FADS6: variants seen among roughly 807,000 people sequenced by gnomAD.
FADS6 encodes fatty acid desaturase 6.
Under a neutral mutation model 31.7 loss-of-function variants are expected in FADS6, and 28 were observed. The observed-to-expected ratio is 0.88, with a 90% CI of 0.66 to 1.21. The LOEUF is 1.21. FADS6 is among the 50% of genes most tolerant of loss of function. The pLI, the probability that FADS6 is intolerant of heterozygous loss-of-function variation, is 0.00. For synonymous variants in FADS6, 191 were observed against 213.1 expected, an observed-to-expected ratio of 0.90 and a Z score of 0.90; for missense variants, 494 against 504.2, an observed-to-expected ratio of 0.98 and a Z score of 0.19.
chr17:74,879,382 C>CCCCAG (rs1404049930), intron 5 of FADS6, 22 bp downstream of exon 5: 1 of 1,610,438 alleles, frequency 6.2e-7, no homozygotes, highest in East Asian at 2.2e-5. Context: ...ATTCCAGCGC[C>CCCCAG]CCCAGCCCAG....
chr17:74,882,037 G>A (rs192809436), intron 3 of FADS6, among the ~76,000 whole-genome samples: 2 of 151,840 alleles, frequency 1.3e-5, no homozygotes, highest in African/African-American at 4.8e-5. Context: ...CTGGGTTCAA[G>A]TGATTCTCCT....
In FADS6 at chr17:74,878,063, C is replaced by T; in HGVS notation, c.*268G>A. The T allele has an allele frequency of 7.8e-7, 1 of 1,273,922 alleles. No homozygotes were observed. Among genetic ancestry groups the T allele is most frequent in the Non-Finnish European group, 9.9e-7 (1 of 1,006,252 alleles). The allele number at this position is 1,273,922 out of a possible 1,614,324, so 78.9% of individuals were successfully genotyped here. ...AGGGGGAAGGACCCAGCTCTTTAGT[C>T]CTGAGATGAAGTTGCTGAGGTCCAG... On this transcript the variant is annotated 3_prime_UTR_variant, in exon 6 of 6. Coordinates refer to ENST00000612771, the MANE Select transcript of FADS6 (RefSeq NM_178128.6).
At chr17:74,891,481 C>A (rs1042823398) in intron 2 of FADS6, among the ~76,000 whole-genome samples, 3 of 152,110 alleles carry the variant, frequency 2.0e-5, no homozygotes, top group Non-Finnish European at 4.4e-5. Flanking sequence ...CTGACCCAGA[C>A]TCCAGAGCCT....
intron 2 of FADS6, among the ~76,000 whole-genome samples, chr17:74,885,214 A>C (rs375492786): frequency 4.6e-5 from 7 of 152,062 alleles, no homozygotes; most frequent in East Asian, 3.9e-4. Flanking sequence ...GCCTGTAGAC[A>C]AGTCTCTCTC....
chr17:74,877,850 T>C lies in FADS6; in HGVS notation c.*481A>G, dbSNP rs2048874370. 1.2e-5 allele frequency: 12 copies of C among 986,942 alleles called. No individual in the cohort carries two copies. In the South Asian group the frequency reaches 4.2e-4, roughly 35 times the overall value. The allele number at this position is 986,942 out of a possible 1,614,324, so 61.1% of individuals were successfully genotyped here. On this transcript the variant is annotated 3_prime_UTR_variant, in exon 6 of 6. Coordinates refer to ENST00000612771, the MANE Select transcript of FADS6 (RefSeq NM_178128.6). ...CTAAGGTCCCCGGGGAGAGGGCACCTTGGTGGGCAGAGCCTGAAGGAAGCA... is the reference window on the plus strand; with the variant it reads ...CTAAGGTCCCCGGGGAGAGGGCACCCTGGTGGGCAGAGCCTGAAGGAAGCA...
In FADS6 at chr17:74,878,376, T is replaced by C; in HGVS notation, c.1062A>G (p.Glu354=). Residue 354 remains glutamate (E), a synonymous_variant, in exon 6 of 6, where the codon GAA becomes GAG. Coordinates refer to ENST00000612771, the MANE Select transcript of FADS6 (RefSeq NM_178128.6). ...RFQLFLRRYE[E]FMVQAPPITE... is the part of the protein sequence containing the mutation. The stretch of plus-strand genomic sequence containing the variant: ...TGATGGGTGGGGCCTGCACCATGAA[T>C]TCCTCATAGCGACGGAGAAACAGCT... 1.2e-6 allele frequency: 2 copies of C among 1,613,996 alleles called. No homozygotes were observed. Among genetic ancestry groups the C allele is most frequent in the African/African-American group, 1.3e-5 (1 of 75,066 alleles).
chr17:74,890,240 G>A (rs980703716), intron 2 of FADS6, among the ~76,000 whole-genome samples: 2 of 152,156 alleles, frequency 1.3e-5, no homozygotes, highest in Non-Finnish European at 2.9e-5. Flanking sequence ...TTACAGGCGT[G>A]AGCCCCACTG....
At chr17:74,884,588 A>C (rs1316030082) in intron 2 of FADS6, among the ~76,000 whole-genome samples, 2 of 152,194 alleles carry the variant, frequency 1.3e-5, no homozygotes, top group Non-Finnish European at 2.9e-5. Context: ...ATCATGGCAG[A>C]TCACAATCGT....
intron 2 of FADS6, among the ~76,000 whole-genome samples, chr17:74,884,158 T>C (rs1010230940): frequency 6.6e-6 from 1 of 152,132 alleles, no homozygotes; most frequent in African/African-American, 2.4e-5. Context: ...TAAGGTGCTC[T>C]CGAGGACTAT....
rs529006096 is a variant in FADS6, at chr17:74,878,581, A to G, written c.961-104T>C. The G allele has an allele frequency of 6.0e-5, 85 of 1,406,984 alleles. No individual in the cohort carries two copies. The African/African-American group carries it at 9.6e-4, about 16-fold the overall frequency. The allele number at this position is 1,406,984 out of a possible 1,614,324, so 87.2% of individuals were successfully genotyped here. A position where few individuals can be genotyped will look rare whatever the true frequency, so the allele number is the denominator to read the frequency against. On this transcript the variant is annotated intron_variant, in intron 5 of 5. Coordinates refer to ENST00000612771, the MANE Select transcript of FADS6 (RefSeq NM_178128.6). ...CATCATCTTCCCACCCCCAGTTCCT[A>G]TCGGCCTTGTTCCAAGATTCTCCGG...
At chr17:74,893,247 G>A in intron 1 of FADS6, 105 bp downstream of exon 1, 1 of 1,282,276 alleles carries the variant, frequency 7.8e-7, no homozygotes, top group South Asian at 1.6e-5. Flanking sequence ...CCACTCCGCA[G>A]GCTGCACTCC....
rs373051879 is a variant in FADS6 at position 74,881,156 on chromosome 17, C to G, written c.692G>C (p.Gly231Ala). ...SHYWLLLNVS[G>A]FKNPSSALGC... Reference sequence around the variant, plus strand: ...CAGGGCTGAGCTGGGGTTCTTGAAGCCTGACACGTTCAGGAGCAGCCAGTA... The same window carrying G: ...CAGGGCTGAGCTGGGGTTCTTGAAGGCTGACACGTTCAGGAGCAGCCAGTA... The change falls in exon 4 of 6, where the codon GGC (glycine) becomes GCC (alanine). Residue 231 changes from glycine to alanine, a missense_variant. Gly to Ala is a moderately conservative substitution (Grantham distance 60). Coordinates refer to ENST00000612771, the MANE Select transcript of FADS6 (RefSeq NM_178128.6). 6.8e-6 allele frequency: 11 copies of G among 1,613,292 alleles called. No homozygotes were observed. The highest frequency in any genetic ancestry group is 3.3e-5 in the South Asian group (3 of 90,936).
intron 5 of FADS6, 25 bp from the exon 6 acceptor site, chr17:74,878,502 G>T: frequency 6.2e-7 from 1 of 1,611,906 alleles, no homozygotes; most frequent in Non-Finnish European, 8.5e-7. Context: ...GCAGGAGAGG[G>T]CCTATGAGCA....
chr17:74,880,246 A>G (rs928683914), intron 4 of FADS6, among the ~76,000 whole-genome samples: 12 of 151,332 alleles, frequency 7.9e-5, no homozygotes, highest in Non-Finnish European at 1.5e-4. Context: ...CAGTTCCTCC[A>G]TCTTTCTCGG....
intron 2 of FADS6, among the ~76,000 whole-genome samples, chr17:74,887,059 C>CTTTTTT (rs11385853): frequency 8.8e-6 from 1 of 113,834 alleles, no homozygotes; most frequent in African/African-American, 3.3e-5. Context: ...ACACTCCAGT[C>CTTTTTT]TTTTTTTTTT....
At chr17:74,881,039 C>T (rs1446794165) in intron 4 of FADS6, 29 bp downstream of exon 4, 2 of 1,597,070 alleles carry the variant, frequency 1.3e-6, no homozygotes, top group Non-Finnish European at 1.7e-6. Context: ...CCCTTAGCTG[C>T]CCAGCGCCCC....
chr17:74,893,050 G>T (rs910559239), intron 1 of FADS6, among the ~76,000 whole-genome samples: 4 of 151,776 alleles, frequency 2.6e-5, no homozygotes, highest in Non-Finnish European at 5.9e-5. Flanking sequence ...TCCCGGGGGT[G>T]GGGGGGCACC....
At position 74,890,576 on chromosome 17, in the gene FADS6, GT is replaced by G. The variant is rs201816580; in HGVS notation, c.411+1946del. Among the ~76,000 whole-genome samples the G allele has an allele frequency of 1.3e-3, 201 of 152,254 alleles. 3 individuals are homozygous for G. The highest frequency in any genetic ancestry group is 4.7e-3 in the African/African-American group (195 of 41,540). ...GAGGGGGCTTGCAGGCCTGAACCTG[GT>G]TCCCTAGACAACTGCAGGGTCATCG... On this transcript the variant is annotated intron_variant, in intron 2 of 5. Coordinates refer to ENST00000612771, the MANE Select transcript of FADS6 (RefSeq NM_178128.6).
At position 74,878,119 on chromosome 17, in the gene FADS6, C is replaced by T; in HGVS notation, c.*212G>A. ...CCAGAATGCACAGCCACCATTACCG[C>T]TTCACCCAGACACCCCTCAAAACCC... On this transcript the variant is annotated 3_prime_UTR_variant, in exon 6 of 6. Transcript: ENST00000612771. The T allele has an allele frequency of 1.1e-5, 15 of 1,412,350 alleles. No individual in the cohort carries two copies. Among genetic ancestry groups the T allele is most frequent in the African/African-American group, 1.4e-5 (1 of 69,010 alleles). The allele number at this position is 1,412,350 out of a possible 1,614,324, so 87.5% of individuals were successfully genotyped here. A position where few individuals can be genotyped will look rare whatever the true frequency, so the allele number is the denominator to read the frequency against.
Sources: gnomAD v4.1 joint callset for allele counts (sites outside exome capture counted in the v4.1 genomes callset) on GRCh38, gnomAD v4.1.1 for gene constraint, MANE v1.5 for transcripts, NCBI Gene and HGNC (gene_info 2026-07-23, HGNC 2026-07-21) for gene names.